SLC41A2: variants seen among roughly 807,000 people sequenced by gnomAD.
The protein encoded by SLC41A2 is SLC41A1-like 1.
In SLC41A2, 32 loss-of-function variants were observed where a neutral mutation model predicts 58.3. The ratio of observed to expected loss-of-function variants is 0.55; its 90% CI spans 0.41 to 0.74. SLC41A2 has a LOEUF of 0.74. Among genes scored for constraint, SLC41A2 ranks in the 30% least tolerant of loss-of-function variants. The probability of loss-of-function intolerance (pLI) is 0.00; values close to 1 mark genes in which losing one functional copy is unlikely to be tolerated. For missense variants in SLC41A2, 514 were observed against 680.6 expected, an observed-to-expected ratio of 0.76 and a Z score of 2.72; for synonymous variants, 190 against 235.0, an observed-to-expected ratio of 0.81 and a Z score of 1.75.
At chr12:104,901,395 T>C (rs192450228) in intron 3 of SLC41A2, among the ~76,000 whole-genome samples, 5 of 152,046 alleles carry the variant, frequency 3.3e-5, no homozygotes, top group African/African-American at 1.2e-4. Flanking sequence ...ATATATACTA[T>C]TGAAAAGATT....
chr12:104,845,760 A>G (rs1266774984), intron 9 of SLC41A2, 83 bp downstream of exon 9: 1 of 1,390,214 alleles, frequency 7.2e-7, no homozygotes, highest in Admixed American at 2.3e-5. Context: ...CACAAAACAC[A>G]TATTCAATAA....
At chr12:104,935,853 G>A (rs941988128) in intron 1 of SLC41A2, among the ~76,000 whole-genome samples, 2 of 152,138 alleles carry the variant, frequency 1.3e-5, no homozygotes, top group Admixed American at 1.3e-4. Flanking sequence ...GACCAGCCTG[G>A]CCAACACGGC....
intron 1 of SLC41A2, among the ~76,000 whole-genome samples, chr12:104,939,597 T>C (rs1009466671): frequency 1.3e-5 from 2 of 152,240 alleles, no homozygotes; most frequent in Non-Finnish European, 2.9e-5. Flanking sequence ...CTGCCTATCG[T>C]ACTGAAAGAG....
At chr12:104,940,020 A>AT (rs993480374) in intron 1 of SLC41A2, among the ~76,000 whole-genome samples, 134 of 148,658 alleles carry the variant, frequency 9.0e-4, no homozygotes, top group Middle Eastern at 3.5e-3. Context: ...TATTATTATT[A>AT]TTTTTTTTTT....
chr12:104,928,238 T>C lies in SLC41A2; in HGVS notation c.290A>G (p.Asn97Ser), dbSNP rs1223266830. Residue 97 changes from asparagine (N) to serine (S), a missense_variant, in exon 2 of 11, where the codon AAT becomes AGT. Physicochemically the swap from Asn to Ser is conservative, Grantham distance 46. Around this residue, in one of 3 missense-constraint regions of SLC41A2, gnomAD observed 336 missense variants for 430.0 expected, o/e 0.78. Coordinates refer to ENST00000258538, the MANE Select transcript of SLC41A2 (RefSeq NM_001352171.3). Reference sequence around the variant, plus strand: ...GCAGCTTGATGATGCGTGCCCATTATTGGCATGAAAAGACTGCTCTGAGAA... The same window carrying C: ...GCAGCTTGATGATGCGTGCCCATTACTGGCATGAAAAGACTGCTCTGAGAA... The part of the protein sequence containing the change: ...HSFSEQSFHA[N>S]NGHASSSCSQ... 8 of 1,614,084 alleles carry C rather than the reference T, an allele frequency of 5.0e-6. No homozygotes were observed. The East Asian group carries it at 6.7e-5, about 13-fold the overall frequency.
intron 6 of SLC41A2, among the ~76,000 whole-genome samples, chr12:104,879,020 T>C (rs147651718): frequency 0.038 from 5,819 of 152,320 alleles, 155 homozygotes; most frequent in East Asian, 0.11. Flanking sequence ...TGGTGTGAGA[T>C]GGTATCTCAT....
intron 10 of SLC41A2, among the ~76,000 whole-genome samples, chr12:104,816,909 G>T (rs2041429144): frequency 1.3e-5 from 2 of 152,132 alleles, no homozygotes; most frequent in African/African-American, 4.8e-5. Flanking sequence ...ACATAAAATG[G>T]TGTAGTATTT....
At chr12:104,939,389 G>T (rs1593178551) in intron 1 of SLC41A2, among the ~76,000 whole-genome samples, 4 of 152,168 alleles carry the variant, frequency 2.6e-5, no homozygotes. Context: ...GTACAGACAG[G>T]GTCTTGCTAT....
intron 4 of SLC41A2, among the ~76,000 whole-genome samples, chr12:104,892,301 A>T (rs369313347): frequency 2.8e-4 from 39 of 140,682 alleles, no homozygotes; most frequent in South Asian, 8.7e-4. Flanking sequence ...ATCTCAAAAA[A>T]AAAATAAAAT....
At chr12:104,885,035 T>C (rs2044587889) in intron 6 of SLC41A2, among the ~76,000 whole-genome samples, 1 of 152,022 alleles carries the variant, frequency 6.6e-6, no homozygotes, top group Non-Finnish European at 1.5e-5. Flanking sequence ...CCACTTCCTG[T>C]GCTTTTTTTT....
intron 6 of SLC41A2, among the ~76,000 whole-genome samples, chr12:104,874,427 T>C (rs559182548): frequency 3.1e-4 from 47 of 152,292 alleles, no homozygotes; most frequent in African/African-American, 1.0e-3. Flanking sequence ...CCAAAGTCAA[T>C]GTCAAGGAGC....
chr12:104,896,757 G>A (rs112214955), intron 3 of SLC41A2, among the ~76,000 whole-genome samples: 12 of 152,290 alleles, frequency 7.9e-5, no homozygotes, highest in African/African-American at 2.9e-4. Flanking sequence ...ACTGTGCCAC[G>A]TTAATTTGGC....
chr12:104,882,310 C>G (rs554181911), intron 6 of SLC41A2, among the ~76,000 whole-genome samples: 1 of 152,194 alleles, frequency 6.6e-6, no homozygotes, highest in South Asian at 2.1e-4. Flanking sequence ...GCATTTAGTC[C>G]ATTTACATTT....
intron 6 of SLC41A2, among the ~76,000 whole-genome samples, chr12:104,866,903 G>C (rs796590605): frequency 2.6e-5 from 4 of 152,124 alleles, no homozygotes; most frequent in African/African-American, 9.6e-5. Context: ...TATATACCAA[G>C]TACTATGCTA....
intron 6 of SLC41A2, among the ~76,000 whole-genome samples, chr12:104,874,220 C>A (rs1385881584): frequency 2.0e-5 from 3 of 151,870 alleles, no homozygotes; most frequent in Non-Finnish European, 4.4e-5. Context: ...ACTACAGGCG[C>A]CTGCCACCCT....
At chr12:104,866,701 C>T in intron 6 of SLC41A2, 122 bp from the exon 7 acceptor site, 1 of 746,730 alleles carries the variant, frequency 1.3e-6, no homozygotes, top group Non-Finnish European at 1.9e-6. Flanking sequence ...ACATGCTATA[C>T]ATTTTCTATA....
At chr12:104,916,284 G>T (rs11112236) in intron 2 of SLC41A2, among the ~76,000 whole-genome samples, 11,237 of 152,122 alleles carry the variant, frequency 0.074, 472 homozygotes, top group Middle Eastern at 0.11. Context: ...GCTGGCCTCA[G>T]AAAATGAGTT....
intron 6 of SLC41A2, among the ~76,000 whole-genome samples, chr12:104,873,070 A>G (rs1478069761): frequency 6.6e-6 from 1 of 152,200 alleles, no homozygotes; most frequent in Non-Finnish European, 1.5e-5. Context: ...ACTTCTAGTT[A>G]TAACTATAGT....
chr12:104,878,653 T>C (rs2044189116), intron 6 of SLC41A2, among the ~76,000 whole-genome samples: 3 of 152,232 alleles, frequency 2.0e-5, no homozygotes, highest in African/African-American at 7.2e-5. Flanking sequence ...CATGCTTTTT[T>C]ATGGCTGCAT....
Sources: gnomAD v4.1 joint callset for allele counts (sites outside exome capture counted in the v4.1 genomes callset) on GRCh38, gnomAD v4.1.1 for gene constraint, gnomAD v4.1.1 regional missense constraint, MANE v1.5 for transcripts, NCBI Gene and HGNC (gene_info 2026-07-23, HGNC 2026-07-21) for gene names.